The following DAGLB variants were observed in gnomAD, a reference collection of about 807,000 sequenced individuals.
DAGLB encodes diacylglycerol lipase beta.
Under a neutral mutation model 72.1 loss-of-function variants are expected in DAGLB, and 66 were observed. The ratio of observed to expected loss-of-function variants is 0.92; its 90% CI spans 0.75 to 1.12. The LOEUF (loss-of-function observed/expected upper bound fraction) is 1.12. Among genes scored for constraint, DAGLB ranks in the 50% most tolerant of loss-of-function variants. DAGLB has a pLI of 0.00. For missense variants in DAGLB, 1,065 were observed against 884.9 expected (o/e 1.20, Z -2.58); for synonymous variants, 414 against 359.5 (o/e 1.15, Z -1.71).
intron 13 of DAGLB, among the ~76,000 whole-genome samples, chr7:6,411,409 C>A (rs1783724025): frequency 1.3e-5 from 2 of 152,156 alleles, no homozygotes; most frequent in Admixed American, 6.5e-5. Flanking sequence ...ATTGCTTCAG[C>A]CCCGAAGTTT....
At chr7:6,411,493 A>T (rs1394057779) in intron 13 of DAGLB, among the ~76,000 whole-genome samples, 1 of 152,180 alleles carries the variant, frequency 6.6e-6, no homozygotes, top group African/African-American at 2.4e-5. Context: ...GTGTTGGCGC[A>T]TGCCTGTAGT....
In DAGLB at chr7:6,435,035, G is replaced by C. The variant is rs1784610239; in HGVS notation, c.420-15C>G. On this transcript the variant is annotated splice_polypyrimidine_tract_variant and intron_variant, in intron 3 of 14. Transcript: ENST00000297056. ...TGATGATCCAACTGCAAGACAGAGA[G>C]AGGAAAAGGCTCGGTGACTGCGGGC... 12 of 1,611,552 alleles carry C rather than the reference G, an allele frequency of 7.4e-6. No homozygotes were observed. The highest frequency in any genetic ancestry group is 2.2e-5 in the East Asian group (1 of 44,862).
rs1455509774 is a variant in DAGLB at position 6,446,043 on chromosome 7, C to G, written c.157G>C (p.Ala53Pro). Reference sequence around the variant, plus strand: ...ACGATCAAGTAACTGCTGAGCAAGGCTCCACCAGCACAGTCCAGCTTTCCT... The same window carrying G: ...ACGATCAAGTAACTGCTGAGCAAGGGTCCACCAGCACAGTCCAGCTTTCCT... ...HRGKLDCAGGALLSSYLIVLM... is the reference protein window; with the variant it reads ...HRGKLDCAGGPLLSSYLIVLM... The change falls in exon 2 of 15, where the codon GCC becomes CCC. Residue 53 changes from alanine (A) to proline (P), a missense_variant. By Grantham distance (27) the Ala-to-Pro change is conservative (BLOSUM62 -1). Coordinates refer to ENST00000297056, the MANE Select transcript of DAGLB (RefSeq NM_139179.4). 1.2e-6 allele frequency: 2 copies of G among 1,613,526 alleles called. No homozygotes were observed. Among genetic ancestry groups the G allele is most frequent in the African/African-American group, 2.7e-5 (2 of 74,774 alleles).
In DAGLB at chr7:6,416,861, G is replaced by C; in HGVS notation, c.1279C>G (p.Gln427Glu). 3 of 1,614,216 alleles carry C rather than the reference G, an allele frequency of 1.9e-6. No individual in the cohort carries two copies. The highest frequency in any genetic ancestry group is 2.5e-6 in the Non-Finnish European group (3 of 1,180,034). Residue 427 changes from glutamine (Q) to glutamate (E), a missense_variant, in exon 10 of 15, where the codon CAA becomes GAA. Transcript: ENST00000297056. ...QRLINDGILS[Q>E]AFSIAPEYRL... ...CTCACAGGAGCAATGCTGAAGGCTTGGCTCAAAATCCCGTCGTTGATGAGT... is the reference window on the plus strand; with the variant it reads ...CTCACAGGAGCAATGCTGAAGGCTTCGCTCAAAATCCCGTCGTTGATGAGT...
intron 13 of DAGLB, 114 bp from the exon 14 acceptor site, chr7:6,410,494 C>G: frequency 6.9e-7 from 1 of 1,449,024 alleles, no homozygotes; most frequent in South Asian, 1.4e-5. Flanking sequence ...CCAGAAACCC[C>G]GCTTGGAAGA....
chr7:6,422,396 C>T (rs1784157785), intron 8 of DAGLB: 1 of 215,988 alleles, frequency 4.6e-6, no homozygotes, highest in South Asian at 6.4e-5. Flanking sequence ...CCACACCAGC[C>T]ATATTTGAAA....
intron 6 of DAGLB, among the ~76,000 whole-genome samples, chr7:6,429,858 C>T (rs1425074903): frequency 6.6e-6 from 1 of 152,020 alleles, no homozygotes; most frequent in Non-Finnish European, 1.5e-5. Flanking sequence ...TCCTGGCTAA[C>T]ACGGTGAAAC....
rs1326348907 is a variant in DAGLB at position 6,410,278 on chromosome 7, G to A, written c.1672C>T (p.Pro558Ser). ...DGGDQEVLTQ[P>S]LLGEQSLLTR... ...AGTAGGCTCTGCTCCCCCAGAAGAG[G>A]CTGTGTCAGGACTTCCTGGTCGCCC... Residue 558 changes from proline (P) to serine (S), a missense_variant, in exon 14 of 15, where the codon CCT (proline) becomes TCT (serine). Transcript: ENST00000297056. The A allele has an allele frequency of 2.5e-6, 4 of 1,613,844 alleles. No individual in the cohort carries two copies. In the Admixed American group the frequency reaches 6.7e-5, roughly 27 times the overall value.
intron 5 of DAGLB, 145 bp downstream of exon 5, chr7:6,432,692 G>A (rs1235041221): frequency 1.9e-6 from 2 of 1,041,376 alleles, no homozygotes; most frequent in Admixed American, 3.7e-5. Flanking sequence ...GGAGAGGGGA[G>A]GGAAGGGGAG....
In DAGLB at chr7:6,422,278, C is replaced by T. The variant is rs141919450; in HGVS notation, c.1141-474G>A. ...AGGGGCAGCTCCCTGGAGGAGGTGA[C>T]GCCACAGCCAGACCCGAAGGAAGAG... On this transcript the variant is annotated intron_variant, in intron 8 of 14. Transcript: ENST00000297056. The T allele has an allele frequency of 3.7e-3, 1,054 of 286,560 alleles. 24 individuals are homozygous for T. The highest frequency in any genetic ancestry group is 0.036 in the Admixed American group (796 of 22,358). 17.8% of individuals were successfully genotyped at this position (286,560 alleles called of 1,614,324 possible).
chr7:6,411,783 G>C (rs147946628), intron 13 of DAGLB, among the ~76,000 whole-genome samples: 1 of 152,098 alleles, frequency 6.6e-6, no homozygotes, highest in African/African-American at 2.4e-5. Flanking sequence ...CTTGGCATAC[G>C]TATTTTCAAA....
intron 13 of DAGLB, among the ~76,000 whole-genome samples, chr7:6,410,880 A>ATTTTTTTTTTTTTT (rs35960882): frequency 1.0e-5 from 1 of 98,234 alleles, no homozygotes; most frequent in East Asian, 3.2e-4. Context: ...AATTTTTTGT[A>ATTTTTTTTTTTTTT]TTTTTTTTTT....
At chr7:6,424,943 A>G (rs2115263416) in intron 7 of DAGLB, 108 bp from the exon 8 acceptor site, 3 of 1,087,906 alleles carry the variant, frequency 2.8e-6, no homozygotes, top group Non-Finnish European at 2.8e-6. Flanking sequence ...CCTGCGGCAC[A>G]GAGAGGAGGG....
At position 6,430,633 on chromosome 7, in the gene DAGLB, G is replaced by T. The variant is rs769646983; in HGVS notation, c.802-26C>A. 4 of 1,546,956 alleles carry T rather than the reference G, an allele frequency of 2.6e-6. No individual in the cohort carries two copies. In the African/African-American group the frequency reaches 4.1e-5, roughly 16 times the overall value. ...CTACAAGAGAAGGACAAAAACTACT[G>T]TTTATTAAGGGAACTCCTGACACAG... On this transcript the variant is annotated intron_variant, in intron 5 of 14. Coordinates refer to ENST00000297056, the MANE Select transcript of DAGLB (RefSeq NM_139179.4).
In DAGLB at chr7:6,412,827, T is replaced by G. The variant is rs747492916; in HGVS notation, c.1553A>C (p.His518Pro). 1 of 1,591,626 alleles carries G rather than the reference T, an allele frequency of 6.3e-7. No homozygotes were observed. The highest frequency in any genetic ancestry group is 8.6e-7 in the Non-Finnish European group (1 of 1,166,512). ...LKRRILRVVA[H>P]CNKPKYKILL... ...CCCGCTTACCTTGGGTTTATTGCAG[T>G]GCGCGACCACTCGCAAGATTCTTCT... Residue 518 changes from histidine (H) to proline (P), a missense_variant, in exon 13 of 15, where the codon CAC becomes CCC. Coordinates refer to ENST00000297056, the MANE Select transcript of DAGLB (RefSeq NM_139179.4).
At chr7:6,414,381 C>T (rs544506352) in intron 11 of DAGLB, among the ~76,000 whole-genome samples, 10 of 151,382 alleles carry the variant, frequency 6.6e-5, no homozygotes, top group East Asian at 3.9e-4. Context: ...GGCACGATCT[C>T]GGCTCACGGC....
chr7:6,446,187 G>T, intron 1 of DAGLB, 83 bp from the exon 2 acceptor site: 8 of 1,438,022 alleles, frequency 5.6e-6, no homozygotes, highest in Non-Finnish European at 7.4e-6. Context: ...AATAAAAGGG[G>T]ACAGGGCGCG....
chr7:6,432,703 G>A (rs1308607273), intron 5 of DAGLB, 134 bp downstream of exon 5: 59 of 1,085,602 alleles, frequency 5.4e-5, no homozygotes, highest in Non-Finnish European at 6.7e-5. Context: ...GGAAGGGGAG[G>A]AGGGGGAGGG....
Position 6,410,325 on chromosome 7 carries a change from T to C in DAGLB, c.1625A>G (p.Asn542Ser). 2 of 1,614,096 alleles carry C rather than the reference T, an allele frequency of 1.2e-6. No individual in the cohort carries two copies. Among genetic ancestry groups the C allele is most frequent in the East Asian group, 2.2e-5 (1 of 44,882 alleles). The change falls in exon 14 of 15, where the codon AAC (asparagine) becomes AGC (serine). Residue 542 changes from asparagine (N) to serine (S), a missense_variant. Coordinates refer to ENST00000297056, the MANE Select transcript of DAGLB (RefSeq NM_139179.4). ...WYELFGGNPN[N>S]LPTELDGGDQ... ...GCCCCCGTCCAGCTCCGTGGGCAAG[T>C]TGTTGGGGTTTCCTCCAAACAGTTC...
Sources: allele counts gnomAD v4.1 joint callset (sites outside exome capture counted in the v4.1 genomes callset), GRCh38; gene constraint gnomAD v4.1.1; transcripts MANE v1.5; gene names NCBI Gene and HGNC (gene_info 2026-07-23, HGNC 2026-07-21).